Variants in SCML4 observed in about 807,000 individuals in gnomAD.
SCML4 encodes Scm polycomb group protein like 4.
A neutral mutation model predicts 41.1 loss-of-function variants in SCML4; 34 were observed. The observed-to-expected ratio is 0.83, with a 90% CI of 0.63 to 1.10. The LOEUF is 1.10. Among genes scored for constraint, SCML4 ranks in the 50% least tolerant of loss-of-function variants. The probability of loss-of-function intolerance (pLI) is 0.00; values close to 1 mark genes in which losing one functional copy is unlikely to be tolerated. For missense variants in SCML4, 522 were observed against 534.1 expected, an observed-to-expected ratio of 0.98 and a Z score of 0.22; for synonymous variants, 214 against 220.9, an observed-to-expected ratio of 0.97 and a Z score of 0.28.
chr6:107,765,075 A>G (rs1225500591), intron 2 of SCML4, among the ~76,000 whole-genome samples: 3 of 152,226 alleles, frequency 2.0e-5, no homozygotes, highest in Non-Finnish European at 4.4e-5. Flanking sequence ...ATAAAGTAGG[A>G]TTCAGAAAAA....
intron 1 of SCML4, among the ~76,000 whole-genome samples, chr6:107,787,697 C>T (rs1235292977): frequency 6.6e-6 from 1 of 152,168 alleles, no homozygotes; most frequent in East Asian, 1.9e-4. Flanking sequence ...AACAATAAAG[C>T]AACAAGATTC....
At chr6:107,768,567 G>C (rs1780261882) in intron 2 of SCML4, among the ~76,000 whole-genome samples, 1 of 152,128 alleles carries the variant, frequency 6.6e-6, no homozygotes, top group South Asian at 2.1e-4. Flanking sequence ...AATACAAGGC[G>C]ATGGCTGAGG....
chr6:107,814,993 C>T (rs1015617727), intron 1 of SCML4, among the ~76,000 whole-genome samples: 17 of 152,324 alleles, frequency 1.1e-4, no homozygotes, highest in African/African-American at 4.1e-4. Flanking sequence ...CAAGCATCTT[C>T]CTAGAATGTT....
intron 2 of SCML4, among the ~76,000 whole-genome samples, chr6:107,765,031 G>C (rs1779920898): frequency 2.0e-5 from 3 of 152,142 alleles, no homozygotes; most frequent in Admixed American, 2.0e-4. Flanking sequence ...CTCTTTATCA[G>C]CAGGGTGAAA....
chr6:107,775,991 AT>A (rs1780912702), intron 1 of SCML4, among the ~76,000 whole-genome samples: 2 of 152,116 alleles, frequency 1.3e-5, no homozygotes, highest in South Asian at 4.1e-4. Context: ...TTAAAAAAAT[AT>A]TTTTAGAAAT....
At chr6:107,826,796 G>A (rs1785270633), upstream of SCML4, among the ~76,000 whole-genome samples, 1 of 152,216 alleles carries the variant, frequency 6.6e-6, no homozygotes, top group African/African-American at 2.4e-5. Context: ...GGGCGCGGTG[G>A]CTCACGCCTG....
chr6:107,741,906 G>A (rs1341330476), intron 5 of SCML4, among the ~76,000 whole-genome samples: 1 of 152,190 alleles, frequency 6.6e-6, no homozygotes, highest in East Asian at 1.9e-4. Flanking sequence ...CGGCTGACAG[G>A]AAACCGTGAT....
intron 2 of SCML4, chr6:107,755,495 G>T: frequency 1.8e-6 from 1 of 562,182 alleles, no homozygotes; most frequent in African/African-American, 2.0e-5. Context: ...TCCTAAAAAA[G>T]AAGAGCACGG....
At chr6:107,818,816 G>A (rs998918161) in intron 1 of SCML4, among the ~76,000 whole-genome samples, 7 of 152,208 alleles carry the variant, frequency 4.6e-5, no homozygotes, top group African/African-American at 1.2e-4. Flanking sequence ...GCCCCTGGCC[G>A]ACTTGAAGTC....
chr6:107,766,673 A>T (rs1780073149), intron 2 of SCML4, among the ~76,000 whole-genome samples: 1 of 152,234 alleles, frequency 6.6e-6, no homozygotes, highest in Non-Finnish European at 1.5e-5. Context: ...CCACTGCCTC[A>T]GATCCACCTC....
At chr6:107,830,203 T>C in the SCML4 span, among the ~76,000 whole-genome samples, 2 of 151,670 alleles carry the variant, frequency 1.3e-5, no homozygotes, top group Non-Finnish European at 2.9e-5. Context: ...AGTTGGTGAT[T>C]GAATCAAGTA....
chr6:107,790,844 CGGATCACG>C (rs1439822830), intron 1 of SCML4, among the ~76,000 whole-genome samples: 1 of 151,990 alleles, frequency 6.6e-6, no homozygotes, highest in African/African-American at 2.4e-5. Context: ...CTAAGGCGGA[CGGATCACG>C]GGAGGTCAGG....
chr6:107,789,163 T>C (rs1431291121), intron 1 of SCML4, among the ~76,000 whole-genome samples: 1 of 152,190 alleles, frequency 6.6e-6, no homozygotes, highest in Non-Finnish European at 1.5e-5. Context: ...AAGCGAATTC[T>C]TAACCCTCAA....
At position 107,772,209 on chromosome 6, in the gene SCML4, T is replaced by C; in HGVS notation, c.119A>G (p.Lys40Arg). The C allele has an allele frequency of 6.4e-7, 1 of 1,551,496 alleles. No individual in the cohort carries two copies. The highest frequency in any genetic ancestry group is 8.7e-7 in the Non-Finnish European group (1 of 1,146,914). The change falls in exon 2 of 8, where the codon AAG becomes AGG. Residue 40 changes from lysine to arginine, a missense_variant. Lys to Arg is a conservative substitution (Grantham distance 26). Transcript: ENST00000369020. ...TTTCCGCCCTCTTTTCTTTGGGATCTTCACTGCTGGTAAAGAGCCAGCTGA... is the reference window on the plus strand; with the variant it reads ...TTTCCGCCCTCTTTTCTTTGGGATCCTCACTGCTGGTAAAGAGCCAGCTGA... ...SASAGSLPAV[K>R]IPKKRGRKPG...
At chr6:107,830,583 C>T in the SCML4 span, among the ~76,000 whole-genome samples, 3 of 152,056 alleles carry the variant, frequency 2.0e-5, no homozygotes, top group Admixed American at 2.0e-4. Flanking sequence ...AGAGCCTAGG[C>T]CGTAGTAGGA....
intron 6 of SCML4, among the ~76,000 whole-genome samples, chr6:107,714,077 A>G (rs1272960553): frequency 6.6e-6 from 1 of 152,188 alleles, no homozygotes; most frequent in Non-Finnish European, 1.5e-5. Flanking sequence ...CACTCTATCC[A>G]GAGTTTTCAA....
At chr6:107,732,130 C>T (rs3823294) in intron 5 of SCML4, 24,529 of 152,198 alleles carry the variant, frequency 0.16, 2,060 homozygotes, top group East Asian at 0.2. Flanking sequence ...AGGTTTCCTC[C>T]CCTGCATGCA....
intron 1 of SCML4, among the ~76,000 whole-genome samples, chr6:107,786,227 T>A (rs1012681153): frequency 2.0e-5 from 3 of 152,198 alleles, no homozygotes; most frequent in Non-Finnish European, 2.9e-5. Context: ...GGGCCCCCAC[T>A]CATGGTTTTG....
chr6:107,739,119 A>G (rs1026448131), intron 5 of SCML4, among the ~76,000 whole-genome samples: 1 of 152,014 alleles, frequency 6.6e-6, no homozygotes, highest in Non-Finnish European at 1.5e-5. Context: ...CCTTAAATCT[A>G]TGCTTCTCTA....
Sources: gnomAD v4.1 joint callset for allele counts (sites outside exome capture counted in the v4.1 genomes callset) on GRCh38, gnomAD v4.1.1 for gene constraint, MANE v1.5 for transcripts, NCBI Gene and HGNC (gene_info 2026-07-23, HGNC 2026-07-21) for gene names.